The following TMEM244 variants were observed in gnomAD, a reference collection of about 807,000 sequenced individuals.
TMEM244 encodes the protein transmembrane protein 244, also known as putative transmembrane protein 244.
Under a neutral mutation model 15.8 loss-of-function variants are expected in TMEM244, and 13 were observed. The ratio of observed to expected loss-of-function variants is 0.82; its 90% CI spans 0.53 to 1.30. The LOEUF is 1.30. Ranked by LOEUF, TMEM244 falls within the 50% of genes most tolerant of loss-of-function variation. TMEM244 has a pLI of 0.00. For synonymous variants in TMEM244, 45 were observed against 48.7 expected (o/e 0.92, Z 0.32); for missense variants, 161 against 144.9 (o/e 1.11, Z -0.57).
chr6:129,856,973 A>G (rs1236252053), intron 1 of TMEM244, among the ~76,000 whole-genome samples: 1 of 151,990 alleles, frequency 6.6e-6, no homozygotes, highest in African/African-American at 2.4e-5. Context: ...AGAAGTGTTA[A>G]TCATATAGAT....
intron 1 of TMEM244, among the ~76,000 whole-genome samples, chr6:129,857,505 G>A (rs1241949612): frequency 6.6e-6 from 1 of 151,874 alleles, no homozygotes; most frequent in Non-Finnish European, 1.5e-5. Flanking sequence ...ACAGGCACAT[G>A]CCACCACCAC....
rs1776553155 is a variant in TMEM244 at position 129,845,780 on chromosome 6, A to C, written c.106T>G (p.Cys36Gly). The C allele has an allele frequency of 6.2e-7, 1 of 1,612,062 alleles. No individual in the cohort carries two copies. The highest frequency in any genetic ancestry group is 8.5e-7 in the Non-Finnish European group (1 of 1,179,126). ...TGTGCTACTTACTCAAACATCACGC[A>C]GCCCATGCTCAGGGACACATAGTAC... ...TVYYVSLSMG[C>G]VMFEVHELNV... Residue 36 changes from cysteine (C) to glycine (G), a missense_variant, in exon 2 of 5, where the codon TGC (cysteine) becomes GGC (glycine). Coordinates refer to ENST00000368143, the MANE Select transcript of TMEM244 (RefSeq NM_001010876.2).
At chr6:129,850,913 G>A (rs976684622) in intron 1 of TMEM244, among the ~76,000 whole-genome samples, 3 of 152,116 alleles carry the variant, frequency 2.0e-5, no homozygotes, top group Non-Finnish European at 4.4e-5. Context: ...ACCTCTGCCC[G>A]TCCTCCAGCC....
chr6:129,831,644 G>GT lies in TMEM244; in HGVS notation c.320-259dup, dbSNP rs78360790. The stretch of plus-strand genomic sequence containing the variant: ...GATCAGCTCCCAAAGTTGATTTTAA[G>GT]TGATGATCCTCGGGCCGTCCTGAAT... On this transcript the variant is annotated intron_variant, in intron 4 of 4. Coordinates refer to ENST00000368143, the MANE Select transcript of TMEM244 (RefSeq NM_001010876.2). Among the ~76,000 whole-genome samples the GT allele has an allele frequency of 7.9e-4, 120 of 152,290 alleles. 2 individuals are homozygous for GT. The East Asian group carries it at 0.02, about 26-fold the overall frequency.
intron 1 of TMEM244, among the ~76,000 whole-genome samples, chr6:129,855,446 T>C (rs1239798913): frequency 6.6e-6 from 1 of 152,144 alleles, no homozygotes; most frequent in Non-Finnish European, 1.5e-5. Context: ...AGTAAGTATT[T>C]TCCCCAAATT....
intron 1 of TMEM244, among the ~76,000 whole-genome samples, chr6:129,854,490 A>C (rs1383318): frequency 0.062 from 9,431 of 152,172 alleles, 434 homozygotes; most frequent in South Asian, 0.21. Flanking sequence ...TCACACAGAA[A>C]ATAATTAGAA....
intron 3 of TMEM244, among the ~76,000 whole-genome samples, chr6:129,839,041 T>G (rs182029268): frequency 7.2e-4 from 109 of 152,184 alleles, no homozygotes; most frequent in Middle Eastern, 3.4e-3. Context: ...AGTATTCCAA[T>G]CAATAGAAAA....
At chr6:129,832,756 T>G (rs1776348531) in intron 4 of TMEM244, among the ~76,000 whole-genome samples, 1 of 152,194 alleles carries the variant, frequency 6.6e-6, no homozygotes, top group African/African-American at 2.4e-5. Context: ...ACTACCCACC[T>G]AGTAAAAGGT....
chr6:129,833,533 A>G lies in TMEM244; in HGVS notation c.246T>C (p.Val82=), dbSNP rs781534167. Residue 82 remains valine, a synonymous_variant, in exon 4 of 5, where the codon GTT becomes GTC. Coordinates refer to ENST00000368143, the MANE Select transcript of TMEM244 (RefSeq NM_001010876.2). Reference sequence around the variant, plus strand: ...CCCAAACCCATTCTTCCACAACTGGAACAAAAAACAATCCACAAACAAAGT... The same window carrying G: ...CCCAAACCCATTCTTCCACAACTGGGACAAAAAACAATCCACAAACAAAGT... ...VTYFVCGLFF[V]PVVEEWVWDY... 2 of 1,613,300 alleles carry G rather than the reference A, an allele frequency of 1.2e-6. No homozygotes were observed. Among genetic ancestry groups the G allele is most frequent in the South Asian group, 1.1e-5 (1 of 91,000 alleles).
At chr6:129,840,232 A>C (rs1313932215) in intron 3 of TMEM244, among the ~76,000 whole-genome samples, 1 of 152,228 alleles carries the variant, frequency 6.6e-6, no homozygotes, top group Non-Finnish European at 1.5e-5. Context: ...CAAAACAGAT[A>C]TATAGACCAA....
intron 1 of TMEM244, among the ~76,000 whole-genome samples, chr6:129,858,445 T>G (rs1348726414): frequency 6.6e-6 from 1 of 152,210 alleles, no homozygotes; most frequent in Non-Finnish European, 1.5e-5. Context: ...AGCTTCACTC[T>G]TCTTTACAGA....
At chr6:129,837,087 C>G (rs12196366) in intron 3 of TMEM244, among the ~76,000 whole-genome samples, 2 of 152,002 alleles carry the variant, frequency 1.3e-5, no homozygotes, top group Non-Finnish European at 2.9e-5. Flanking sequence ...CACAAAGATA[C>G]TCTTCGAGAA....
chr6:129,846,600 C>T (rs777570526), intron 1 of TMEM244, among the ~76,000 whole-genome samples: 7 of 152,048 alleles, frequency 4.6e-5, no homozygotes, highest in Non-Finnish European at 8.8e-5. Context: ...TTCCTAAATG[C>T]CAATATTTGT....
At position 129,831,317 on chromosome 6, in the gene TMEM244, A is replaced by T. The variant is rs541264493; in HGVS notation, c.*2T>A. 1.1e-5 allele frequency: 17 copies of T among 1,519,428 alleles called. No homozygotes were observed. In the African/African-American group the frequency reaches 2.0e-4, roughly 18 times the overall value. 94.1% of individuals were successfully genotyped at this position (1,519,428 alleles called of 1,614,324 possible). A position where few individuals can be genotyped will look rare whatever the true frequency, so the allele number is the denominator to read the frequency against. ...TAACATTATTTCTGTGCATTAGAGA[A>T]TCTAAACAAGCAATTTTGATATACC... On this transcript the variant is annotated 3_prime_UTR_variant, in exon 5 of 5. Coordinates refer to ENST00000368143, the MANE Select transcript of TMEM244 (RefSeq NM_001010876.2).
At position 129,838,818 on chromosome 6, in the gene TMEM244, A is replaced by G. The variant is rs540615130; in HGVS notation, c.193+4712T>C. On this transcript the variant is annotated intron_variant, in intron 3 of 4. Transcript: ENST00000368143. ...ATAAACACCTCTGTGCAAATAAACTAGAAAATCTAGAAGAAATGGATAAAT... is the reference window on the plus strand; with the variant it reads ...ATAAACACCTCTGTGCAAATAAACTGGAAAATCTAGAAGAAATGGATAAAT... Among the ~76,000 whole-genome samples the G allele has an allele frequency of 4.6e-5, 7 of 152,350 alleles. No homozygotes were observed. The South Asian group carries it at 1.5e-3, about 32-fold the overall frequency.
chr6:129,850,035 G>C lies in TMEM244; in HGVS notation c.34-4183C>G, dbSNP rs557489667. Among the ~76,000 whole-genome samples, 113 of 152,252 alleles carry C rather than the reference G, an allele frequency of 7.4e-4. 1 individual carries two copies. The highest frequency in any genetic ancestry group is 2.5e-3 in the African/African-American group (103 of 41,550). ...TTCTGAGTGGTAGAATCCTTTTTTA[G>C]AGAGAAGGAAAATGAGGCTCAGAGA... is the stretch of plus-strand genomic sequence containing the variant. On this transcript the variant is annotated intron_variant, in intron 1 of 4. Coordinates refer to ENST00000368143, the MANE Select transcript of TMEM244 (RefSeq NM_001010876.2).
intron 1 of TMEM244, among the ~76,000 whole-genome samples, chr6:129,847,652 C>A (rs1160698626): frequency 2.0e-5 from 3 of 152,148 alleles, no homozygotes. Context: ...ATCCTCAACA[C>A]CCTCTACTCT....
chr6:129,859,943 T>C (rs974928191), intron 1 of TMEM244, among the ~76,000 whole-genome samples: 5 of 152,212 alleles, frequency 3.3e-5, no homozygotes, highest in Non-Finnish European at 5.9e-5. Context: ...TCATAACTTA[T>C]AGGGATGTAT....
chr6:129,846,472 A>C (rs1776562177), intron 1 of TMEM244, among the ~76,000 whole-genome samples: 1 of 152,170 alleles, frequency 6.6e-6, no homozygotes, highest in South Asian at 2.1e-4. Flanking sequence ...AAATGTGTAA[A>C]ACACTACATA....
Sources: gnomAD v4.1 joint callset for allele counts (sites outside exome capture counted in the v4.1 genomes callset) on GRCh38, gnomAD v4.1.1 for gene constraint, MANE v1.5 for transcripts, NCBI Gene and HGNC (gene_info 2026-07-23, HGNC 2026-07-21) for gene names.